Variants in NPHS1 observed in about 807,000 individuals in gnomAD.
NPHS1 encodes NPHS1 adhesion molecule, nephrin, also known as nephrin.
Under a neutral mutation model 139.7 loss-of-function variants are expected in NPHS1, and 107 were observed. The observed-to-expected ratio is 0.77, with a 90% CI of 0.66 to 0.90. NPHS1 has a LOEUF of 0.90. Among genes scored for constraint, NPHS1 ranks in the 40% least tolerant of loss-of-function variants. The pLI, the probability that NPHS1 is intolerant of heterozygous loss-of-function variation, is 0.00. For synonymous variants in NPHS1, 707 were observed against 706.6 expected (o/e 1.00, Z -0.01); for missense variants, 1,580 against 1,654.2 (o/e 0.96, Z 0.78).
rs780892794 is a variant in NPHS1, at chr19:35,851,524, C to A, written c.207G>T (p.Leu69=). The part of the protein sequence containing the change: ...GSAVQWAKDG[L]LLGPDPRIPG... Reference sequence around the variant, plus strand: ...GGATCCTGGGGTCGGGGCCCAGGAGCAGCCCATCTTTGGCCCATTGCACCG... The same window carrying A: ...GGATCCTGGGGTCGGGGCCCAGGAGAAGCCCATCTTTGGCCCATTGCACCG... The change falls in exon 2 of 29, where the codon CTG becomes CTT. Residue 69 remains leucine (L), a synonymous_variant. Transcript: ENST00000378910. The A allele has an allele frequency of 6.2e-7, 1 of 1,613,744 alleles. No individual in the cohort carries two copies. Among genetic ancestry groups the A allele is most frequent in the Non-Finnish European group, 8.5e-7 (1 of 1,180,024 alleles).
Position 35,849,667 on chromosome 19 carries a change from T to C in NPHS1, c.609-14A>G, listed in dbSNP as rs529914247. Reference sequence around the variant, plus strand: ...CGGGGTGTCACCCTGGGATGAGAAGTCAGGGTTATAGAGTCAGAGTCATCA... The same window carrying C: ...CGGGGTGTCACCCTGGGATGAGAAGCCAGGGTTATAGAGTCAGAGTCATCA... On this transcript the variant is annotated splice_polypyrimidine_tract_variant and intron_variant, in intron 5 of 28. Coordinates refer to ENST00000378910, the MANE Select transcript of NPHS1 (RefSeq NM_004646.4). 6.3e-7 allele frequency: 1 copy of C among 1,593,520 alleles called. No individual in the cohort carries two copies. The highest frequency in any genetic ancestry group is 1.3e-5 in the African/African-American group (1 of 74,568).
chr19:35,848,295 T>C lies in NPHS1; in HGVS notation c.1273A>G (p.Thr425Ala). The change falls in exon 10 of 29, where the codon ACC becomes GCC. Residue 425 changes from threonine to alanine, a missense_variant. Transcript: ENST00000378910. Reference protein sequence around the residue: ...LTCEAFSEAFTKETFKKSLIL... With the variant: ...LTCEAFSEAFAKETFKKSLIL... ...AGCGACTTCTTGAAGGTCTCCTTGGTGAAGGCTTCACTGAAGGCCTCACAT... is the reference window on the plus strand; with the variant it reads ...AGCGACTTCTTGAAGGTCTCCTTGGCGAAGGCTTCACTGAAGGCCTCACAT... The C allele has an allele frequency of 6.2e-7, 1 of 1,614,136 alleles. No homozygotes were observed. Among genetic ancestry groups the C allele is most frequent in the Non-Finnish European group, 8.5e-7 (1 of 1,180,018 alleles).
intron 22 of NPHS1, among the ~76,000 whole-genome samples, chr19:35,836,530 A>G (rs1972964300): frequency 6.6e-6 from 1 of 152,154 alleles, no homozygotes; most frequent in Non-Finnish European, 1.5e-5. Context: ...ATCCCTTAAT[A>G]AAGGTACAAG....
At position 35,831,500 on chromosome 19, in the gene NPHS1, C is replaced by A; in HGVS notation, c.3287G>T (p.Gly1096Val). The change falls in exon 25 of 29, where the codon GGC (glycine) becomes GTC (valine). Residue 1096 changes from glycine (G) to valine (V), a missense_variant and splice_region_variant. By Grantham distance (109) the Gly-to-Val change is moderately radical (BLOSUM62 -3). Coordinates refer to ENST00000378910, the MANE Select transcript of NPHS1 (RefSeq NM_004646.4). ...WQRRLRRLAE[G>V]ISEKTEAGSE... Reference sequence around the variant, plus strand: ...CCCTGCCTCTGTCTTCTCTGAGATGCCTGAAGGAAACAGGAATAAAGGGCT... The same window carrying A: ...CCCTGCCTCTGTCTTCTCTGAGATGACTGAAGGAAACAGGAATAAAGGGCT... 1 of 1,613,890 alleles carries A rather than the reference C, an allele frequency of 6.2e-7. No homozygotes were observed. Among genetic ancestry groups the A allele is most frequent in the Non-Finnish European group, 8.5e-7 (1 of 1,179,970 alleles).
At chr19:35,850,838 G>T in intron 4 of NPHS1, 123 bp downstream of exon 4, 3 of 1,290,108 alleles carry the variant, frequency 2.3e-6, no homozygotes, top group Non-Finnish European at 1.1e-6. Context: ...CCTTCTCCTG[G>T]GTCCCCATCC....
intron 5 of NPHS1, 82 bp from the exon 6 acceptor site, chr19:35,849,735 C>T (rs1245834975): frequency 1.0e-6 from 1 of 962,360 alleles, no homozygotes; most frequent in Non-Finnish European, 1.7e-6. Context: ...GGGATGTCAC[C>T]TCTGGTCCCC....
rs757145413 is a variant in NPHS1, at chr19:35,846,166, A to T, written c.1469T>A (p.Leu490Gln). The T allele has an allele frequency of 6.3e-7, 1 of 1,595,276 alleles. No homozygotes were observed. The highest frequency in any genetic ancestry group is 1.1e-5 in the South Asian group (1 of 88,330). The change falls in exon 12 of 29, where the codon CTG becomes CAG. Residue 490 changes from leucine (L) to glutamine (Q), a missense_variant. Leu to Gln is a moderately radical substitution (Grantham distance 113). Coordinates refer to ENST00000378910, the MANE Select transcript of NPHS1 (RefSeq NM_004646.4). ...ATGCACGCGCCGCGACTCCTGCGGC[A>T]GCCGCGACTCGGTCACGGTGCGCGA... Reference protein sequence around the residue: ...KDSRTVTESRLPQESRRVHLG... With the variant: ...KDSRTVTESRQPQESRRVHLG...
chr19:35,841,674 G>C (rs1197981235), intron 20 of NPHS1, 41 bp downstream of exon 20: 10 of 1,611,996 alleles, frequency 6.2e-6, no homozygotes, highest in Admixed American at 5.0e-5. Context: ...AATGGATCCA[G>C]GGAGCACCCC....
At chr19:35,830,487 G>A (rs554958862) in intron 28 of NPHS1, among the ~76,000 whole-genome samples, 12 of 152,328 alleles carry the variant, frequency 7.9e-5, no homozygotes, top group East Asian at 3.9e-4. Context: ...ATGGCTCACC[G>A]CAGCCTCCAA....
Position 35,850,956 on chromosome 19 carries a change from C to A in NPHS1, c.526+5G>T. On this transcript the variant is annotated splice_donor_5th_base_variant and intron_variant, in intron 4 of 28. Transcript: ENST00000378910. ...CCCCCTGCCACCCAGTTCACCCACA[C>A]TCACTCAGGAGAATGGTGATGTCAG... 2 of 1,614,000 alleles carry A rather than the reference C, an allele frequency of 1.2e-6. No homozygotes were observed. Among genetic ancestry groups the A allele is most frequent in the South Asian group, 1.1e-5 (1 of 91,088 alleles).
At chr19:35,838,602 C>A (rs1167550494) in intron 22 of NPHS1, among the ~76,000 whole-genome samples, 1 of 151,614 alleles carries the variant, frequency 6.6e-6, no homozygotes, top group Non-Finnish European at 1.5e-5. Flanking sequence ...ATGATTCTAG[C>A]ACTTTGGGAG....
chr19:35,848,418 G>T, intron 9 of NPHS1, 21 bp from the exon 10 acceptor site: 1 of 1,614,100 alleles, frequency 6.2e-7, no homozygotes, highest in Non-Finnish European at 8.5e-7. Context: ...GTGAGCTTCA[G>T]ACGTGGGGAC....
At position 35,849,650 on chromosome 19, in the gene NPHS1, C is replaced by T; in HGVS notation, c.612G>A (p.Val204=). The T allele has an allele frequency of 6.2e-7, 1 of 1,613,002 alleles. No homozygotes were observed. Among genetic ancestry groups the T allele is most frequent in the Admixed American group, 1.7e-5 (1 of 60,020 alleles). The change falls in exon 6 of 29, where the codon GTG becomes GTA. Residue 204 remains valine (V), a synonymous_variant. Transcript: ENST00000378910. The part of the protein sequence containing the change: ...KLFTVEATAR[V]TPRSSDNRQL... Reference sequence around the variant, plus strand: ...GCCTATTATCTGAGCTCCGGGGTGTCACCCTGGGATGAGAAGTCAGGGTTA... The same window carrying T: ...GCCTATTATCTGAGCTCCGGGGTGTTACCCTGGGATGAGAAGTCAGGGTTA...
chr19:35,851,926 C>T lies in NPHS1; in HGVS notation c.-89G>A. On this transcript the variant is annotated 5_prime_UTR_variant, in exon 1 of 29. Transcript: ENST00000378910. ...TCTCTGGGTCCCTCTCTGTGTGTCTCTGCCACCTGCTTTTCTTTTTTATCT... is the reference window on the plus strand; with the variant it reads ...TCTCTGGGTCCCTCTCTGTGTGTCTTTGCCACCTGCTTTTCTTTTTTATCT... 3 of 1,085,894 alleles carry T rather than the reference C, an allele frequency of 2.8e-6. No individual in the cohort carries two copies. The highest frequency in any genetic ancestry group is 2.7e-5 in the South Asian group (2 of 74,558). The allele number at this position is 1,085,894 out of a possible 1,614,324, so 67.3% of individuals were successfully genotyped here. A position where few individuals can be genotyped will look rare whatever the true frequency, so the allele number is the denominator to read the frequency against.
chr19:35,835,706 T>A lies in NPHS1; in HGVS notation c.3165A>T (p.Ser1055=), dbSNP rs201738778. ...PEDQLPTEPP[S]GPSGLPLLPV... ...GGGATCAGGGGACTGAGGACTTGCC[T>A]GAAGGTGGCTCTGTGGGCAGCTGGT... is the stretch of plus-strand genomic sequence containing the variant. The change falls in exon 23 of 29, where the codon TCA becomes TCT. Residue 1055 remains serine, a splice_region_variant and synonymous_variant. Coordinates refer to ENST00000378910, the MANE Select transcript of NPHS1 (RefSeq NM_004646.4). 174 of 1,613,418 alleles carry A rather than the reference T, an allele frequency of 1.1e-4. No individual in the cohort carries two copies. The highest frequency in any genetic ancestry group is 1.4e-4 in the Non-Finnish European group (167 of 1,179,736).
chr19:35,845,022 C>CT lies in NPHS1; in HGVS notation c.1930+345dup, dbSNP rs1001949468. ...GTGGCACGCGCCTGTAATCCCAGCA[C>CT]TTTGAGAGGCCAACGCAGGAGAACT... On this transcript the variant is annotated intron_variant, in intron 14 of 28. Transcript: ENST00000378910. This position sits in a 1 kb window ranked among gnomAD's most constrained non-coding sequence, Gnocchi z 5.5. Among the ~76,000 whole-genome samples the CT allele has an allele frequency of 2.6e-5, 4 of 152,162 alleles. No homozygotes were observed. The highest frequency in any genetic ancestry group is 2.6e-4 in the Admixed American group (4 of 15,272).
chr19:35,834,920 G>A (rs571720436), intron 23 of NPHS1, among the ~76,000 whole-genome samples: 21 of 149,794 alleles, frequency 1.4e-4, no homozygotes, highest in South Asian at 6.4e-4. Context: ...AAAAAATGCC[G>A]AGTGCCGTAG....
chr19:35,827,695 G>T (rs1972816256), intron 28 of NPHS1, among the ~76,000 whole-genome samples: 1 of 152,158 alleles, frequency 6.6e-6, no homozygotes, highest in East Asian at 1.9e-4. Context: ...AAGGCAGGTG[G>T]ATCACTTGAG....
At chr19:35,836,841 C>T (rs745975981) in intron 22 of NPHS1, among the ~76,000 whole-genome samples, 24 of 151,158 alleles carry the variant, frequency 1.6e-4, no homozygotes, top group Non-Finnish European at 2.7e-4. Context: ...CTAAAAAATA[C>T]AAAAATTAGC....
Sources: gnomAD v4.1 joint callset for allele counts (sites outside exome capture counted in the v4.1 genomes callset) on GRCh38, gnomAD v4.1.1 for gene constraint, Gnocchi (gnomAD v3.1) non-coding constraint, MANE v1.5 for transcripts, NCBI Gene and HGNC (gene_info 2026-07-23, HGNC 2026-07-21) for gene names.